The following FAM13A variants were observed in gnomAD, a reference collection of about 807,000 sequenced individuals.
FAM13A encodes protein FAM13A.
FAM13A carries 76 observed loss-of-function variants against 129.6 expected under a neutral mutation model. The ratio of observed to expected loss-of-function variants is 0.59; its 90% CI spans 0.49 to 0.71. FAM13A has a LOEUF of 0.71. Among genes scored for constraint, FAM13A ranks in the 30% least tolerant of loss-of-function variants. The pLI is 0.00. For synonymous variants in FAM13A, 443 were observed against 449.9 expected, an observed-to-expected ratio of 0.98 and a Z score of 0.20; for missense variants, 1,108 against 1,249.3, an observed-to-expected ratio of 0.89 and a Z score of 1.70.
At chr4:89,038,486 A>T (rs1006480314) in intron 1 of FAM13A, among the ~76,000 whole-genome samples, 2 of 152,200 alleles carry the variant, frequency 1.3e-5, no homozygotes, top group South Asian at 4.1e-4. Context: ...TCAAGGCCTA[A>T]TGGGACACGT....
intron 4 of FAM13A, among the ~76,000 whole-genome samples, chr4:88,964,532 T>G (rs1759082827): frequency 6.6e-6 from 1 of 152,098 alleles, no homozygotes; most frequent in Admixed American, 6.5e-5. Context: ...AATTTTTTTT[T>G]TTTTACACAG....
At chr4:88,794,131 T>C (rs1725715084) in intron 8 of FAM13A, among the ~76,000 whole-genome samples, 1 of 151,892 alleles carries the variant, frequency 6.6e-6, no homozygotes. Flanking sequence ...GCTAAGAAAA[T>C]TTCTTACTTA....
chr4:88,904,536 T>C (rs542260413), intron 6 of FAM13A, among the ~76,000 whole-genome samples: 1 of 152,292 alleles, frequency 6.6e-6, no homozygotes, highest in East Asian at 1.9e-4. Flanking sequence ...AAACATTGCA[T>C]GTTCTCACTT....
At chr4:89,054,880 G>C (rs1254115896) in intron 1 of FAM13A, among the ~76,000 whole-genome samples, 1 of 151,992 alleles carries the variant, frequency 6.6e-6, no homozygotes. Context: ...GCTGTCCCAG[G>C]CCATGCTCTT....
At chr4:89,039,390 C>G (rs973372228) in intron 1 of FAM13A, among the ~76,000 whole-genome samples, 1 of 152,142 alleles carries the variant, frequency 6.6e-6, no homozygotes, top group African/African-American at 2.4e-5. Context: ...ATGCATAACA[C>G]AAACAGGGAA....
chr4:88,965,148 G>A (rs970447885), intron 4 of FAM13A, among the ~76,000 whole-genome samples: 1 of 152,174 alleles, frequency 6.6e-6, no homozygotes, highest in Non-Finnish European at 1.5e-5. Context: ...TTGAGCAGCT[G>A]TAGCATTCCT....
Position 88,799,480 on chromosome 4 carries a change from C to CT in FAM13A, c.1049+5530dup, listed in dbSNP as rs58865037. ...ACTACCATATGCTCCAACAATTCCA[C>CT]TTTTTTTTTTTTTTTTTAATTATTA... On this transcript the variant is annotated intron_variant, in intron 8 of 23. Transcript: ENST00000264344. Among the ~76,000 whole-genome samples the CT allele has an allele frequency of 1.7e-3, 247 of 147,502 alleles. 2 individuals carry two copies. The highest frequency in any genetic ancestry group is 9.0e-3 in the East Asian group (45 of 5,026).
At chr4:88,823,419 T>C in intron 7 of FAM13A, 1 of 772,984 alleles carries the variant, frequency 1.3e-6, no homozygotes, top group Non-Finnish European at 1.6e-6. Context: ...TGCTCCTCAG[T>C]GGGCTTGCCT....
At chr4:88,736,207 G>A (rs1738949405) in intron 21 of FAM13A, among the ~76,000 whole-genome samples, 1 of 152,044 alleles carries the variant, frequency 6.6e-6, no homozygotes, top group Non-Finnish European at 1.5e-5. Context: ...TTCAAGTACC[G>A]TGTTTACAGC....
intron 11 of FAM13A, among the ~76,000 whole-genome samples, chr4:88,777,176 T>A (rs1315988251): frequency 6.6e-6 from 1 of 152,108 alleles, no homozygotes; most frequent in Non-Finnish European, 1.5e-5. Flanking sequence ...GAAGTGTGCA[T>A]GTGTAAGTAT....
chr4:88,859,175 A>C (rs540757098), intron 6 of FAM13A, among the ~76,000 whole-genome samples: 26 of 152,368 alleles, frequency 1.7e-4, no homozygotes, highest in Admixed American at 3.9e-4. Flanking sequence ...CGATTGCTAA[A>C]GAGGGCTGAA....
rs1303304719 is a variant in FAM13A, at chr4:88,863,020, G to T, written c.844-11837C>A. ...GTGACAAATATATACATATATATTT[G>T]GTCTTAGTCCCTGGTTCCTGATATA... On this transcript the variant is annotated intron_variant, in intron 6 of 23. Transcript: ENST00000264344. Among the ~76,000 whole-genome samples the T allele has an allele frequency of 5.7e-5, 4 of 70,448 alleles. 1 individual carries two copies. Among genetic ancestry groups the T allele is most frequent in the African/African-American group, 2.2e-4 (4 of 18,242 alleles). The allele number at this position is 70,448 out of a possible 152,430, so 46.2% of individuals were successfully genotyped here.
At chr4:88,766,311 G>T (rs1745698340) in intron 13 of FAM13A, among the ~76,000 whole-genome samples, 1 of 152,100 alleles carries the variant, frequency 6.6e-6, no homozygotes, top group Non-Finnish European at 1.5e-5. Context: ...TCTTTAAAAG[G>T]ATGCCTAGAG....
intron 7 of FAM13A, among the ~76,000 whole-genome samples, chr4:88,839,604 T>C (rs983075905): frequency 6.6e-6 from 1 of 152,210 alleles, no homozygotes; most frequent in Non-Finnish European, 1.5e-5. Flanking sequence ...TGTGCAGTTT[T>C]GGCTGGGCAC....
chr4:88,849,264 T>C (rs1737161705), intron 7 of FAM13A, among the ~76,000 whole-genome samples: 1 of 152,194 alleles, frequency 6.6e-6, no homozygotes, highest in Non-Finnish European at 1.5e-5. Flanking sequence ...TAACACCTGT[T>C]GAAGGAACCA....
At chr4:88,978,650 T>G (rs767085283) in intron 4 of FAM13A, among the ~76,000 whole-genome samples, 2 of 151,972 alleles carry the variant, frequency 1.3e-5, no homozygotes, top group Non-Finnish European at 2.9e-5. Flanking sequence ...AAAAATTAGC[T>G]GGGCGTGGTG....
chr4:88,762,715 C>A (rs1272231451), intron 13 of FAM13A, among the ~76,000 whole-genome samples: 1 of 151,970 alleles, frequency 6.6e-6, no homozygotes, highest in Non-Finnish European at 1.5e-5. Flanking sequence ...AAGCACCTTG[C>A]CCAGTTGCTC....
At chr4:88,876,042 C>G (rs1742377644) in intron 6 of FAM13A, among the ~76,000 whole-genome samples, 1 of 152,212 alleles carries the variant, frequency 6.6e-6, no homozygotes. Flanking sequence ...ATCGCAAGGA[C>G]AGAAAACCAA....
chr4:88,788,423 A>G (rs1486352296), intron 9 of FAM13A, among the ~76,000 whole-genome samples: 1 of 152,196 alleles, frequency 6.6e-6, no homozygotes, highest in East Asian at 1.9e-4. Context: ...TATGAAAATA[A>G]TGATATTTTG....
Sources: allele counts gnomAD v4.1 joint callset (sites outside exome capture counted in the v4.1 genomes callset), GRCh38; gene constraint gnomAD v4.1.1; transcripts MANE v1.5; gene names NCBI Gene and HGNC (gene_info 2026-07-23, HGNC 2026-07-21).